The following KCNQ4 variants were observed in gnomAD, a reference collection of about 807,000 sequenced individuals.
The protein encoded by KCNQ4 is potassium voltage-gated channel subfamily Q member 4.
Under a neutral mutation model 72.6 loss-of-function variants are expected in KCNQ4, and 31 were observed. The observed-to-expected ratio is 0.43, with a 90% confidence interval of 0.32 to 0.58. The LOEUF is 0.58. KCNQ4 is among the 20% of genes least tolerant of loss of function. KCNQ4 has a pLI of 0.08. For synonymous variants in KCNQ4, 405 were observed against 403.7 expected, an observed-to-expected ratio of 1.00 and a Z score of -0.04; for missense variants, 869 against 962.6, an observed-to-expected ratio of 0.90 and a Z score of 1.29.
At position 40,788,747 on chromosome 1, in the gene KCNQ4, G is replaced by A. The variant is rs191700330; in HGVS notation, c.314+4340G>A. 5.3e-5 allele frequency among the ~76,000 whole-genome samples: 8 copies of A among 152,322 alleles called. No homozygotes were observed. The East Asian group carries it at 1.5e-3, about 29-fold the overall frequency. ...CCCAGCACCCCGCACACAGTCAGCA[G>A]GGGGTGGGCAGTGATGGCATTTTGT... On this transcript the variant is annotated intron_variant, in intron 1 of 13. Coordinates refer to ENST00000347132, the MANE Select transcript of KCNQ4 (RefSeq NM_004700.4). The surrounding 1 kb of genome is among the most constrained non-coding windows in gnomAD (Gnocchi z 4.5).
At chr1:40,834,612 A>G (rs1156717939) in intron 11 of KCNQ4, among the ~76,000 whole-genome samples, 4 of 149,148 alleles carry the variant, frequency 2.7e-5, no homozygotes, top group Non-Finnish European at 3.0e-5. Context: ...AAAAAAAAAC[A>G]GAGTTATTGA....
chr1:40,793,516 C>G (rs1445426629), intron 1 of KCNQ4, among the ~76,000 whole-genome samples: 1 of 152,130 alleles, frequency 6.6e-6, no homozygotes, highest in Non-Finnish European at 1.5e-5. Context: ...AGTTTCATCC[C>G]TGCGCTTCCT....
intron 12 of KCNQ4, among the ~76,000 whole-genome samples, chr1:40,837,266 T>A (rs1427359529): frequency 6.6e-6 from 1 of 152,110 alleles, no homozygotes; most frequent in East Asian, 1.9e-4. Context: ...TTTTAAAAAA[T>A]TATTTTTGTA....
Position 40,838,385 on chromosome 1 carries a change from C to T in KCNQ4, c.1950C>T (p.Ala650=). 1 of 1,614,064 alleles carries T rather than the reference C, an allele frequency of 6.2e-7. No homozygotes were observed. The highest frequency in any genetic ancestry group is 8.5e-7 in the Non-Finnish European group (1 of 1,179,960). The change falls in exon 14 of 14, where the codon GCC becomes GCT. Residue 650 remains alanine (A), a synonymous_variant. Transcript: ENST00000347132. ...GCTGCCTGCGCTCTGGCACCTCGGC[C>T]AGCCTGGGCGCCGTGCAAGTGCCGC... ...YSRCLRSGTS[A]SLGAVQVPLF...
chr1:40,796,089 C>T (rs573983278), intron 1 of KCNQ4, among the ~76,000 whole-genome samples: 1 of 152,192 alleles, frequency 6.6e-6, no homozygotes, highest in Admixed American at 6.5e-5. Flanking sequence ...GCTCAGACAA[C>T]TGAGTGCCTG....
chr1:40,814,886 C>T (rs5773704), intron 1 of KCNQ4, among the ~76,000 whole-genome samples: 24,742 of 99,630 alleles, frequency 0.25, 2,156 homozygotes, highest in East Asian at 0.35. Flanking sequence ...ATCTGCTTTC[C>T]TTTTTTTTTA....
chr1:40,817,044 G>A lies in KCNQ4; in HGVS notation c.315-221G>A, dbSNP rs1570827141. ...TCTGAGCTGCAGCCTGCAGCAGGGG[G>A]CAATTGAGATAGTTGTGAGGTCCAG... On this transcript the variant is annotated intron_variant, in intron 1 of 13. Transcript: ENST00000347132. This position sits in a 1 kb window ranked among gnomAD's most constrained non-coding sequence, Gnocchi z 5.5. Among the ~76,000 whole-genome samples the A allele has an allele frequency of 1.3e-5, 2 of 152,256 alleles. No individual in the cohort carries two copies. Among genetic ancestry groups the A allele is most frequent in the Non-Finnish European group, 2.9e-5 (2 of 68,040 alleles).
chr1:40,813,364 C>T (rs560068165), intron 1 of KCNQ4, among the ~76,000 whole-genome samples: 3 of 152,176 alleles, frequency 2.0e-5, no homozygotes, highest in East Asian at 3.9e-4. Flanking sequence ...CAGATGGTGG[C>T]GGCTTGGTTG....
intron 1 of KCNQ4, among the ~76,000 whole-genome samples, chr1:40,802,534 CG>C (rs1432395773): frequency 1.3e-5 from 2 of 151,926 alleles, no homozygotes; most frequent in African/African-American, 4.8e-5. Flanking sequence ...TCCCCGCCCC[CG>C]GCATGCCCCG....
chr1:40,816,763 G>A (rs1264424316), intron 1 of KCNQ4, among the ~76,000 whole-genome samples: 2 of 152,108 alleles, frequency 1.3e-5, no homozygotes, highest in Non-Finnish European at 2.9e-5. Flanking sequence ...TTAATTCCAC[G>A]AAGGCAGGGG....
intron 1 of KCNQ4, among the ~76,000 whole-genome samples, chr1:40,809,253 G>A (rs1026876662): frequency 6.6e-6 from 1 of 152,120 alleles, no homozygotes; most frequent in Non-Finnish European, 1.5e-5. Context: ...GGGCTCCATC[G>A]GGTCCTCCTC....
At chr1:40,813,729 T>C (rs1647996738) in intron 1 of KCNQ4, among the ~76,000 whole-genome samples, 1 of 152,034 alleles carries the variant, frequency 6.6e-6, no homozygotes, top group South Asian at 2.1e-4. Context: ...CAAAGTGGGC[T>C]TTTCTTGTTT....
At chr1:40,811,436 C>T (rs1647927124) in intron 1 of KCNQ4, among the ~76,000 whole-genome samples, 1 of 152,206 alleles carries the variant, frequency 6.6e-6, no homozygotes, top group South Asian at 2.1e-4. Flanking sequence ...ATAGTATCAC[C>T]AGGGACCTTT....
rs757793655 is a variant in KCNQ4, at chr1:40,818,605, C to T, written c.633C>T (p.Ile211=). ...SALRSMRFLQ[I]LRMVRMDRRG... ...TGCGCAGCATGCGCTTCCTGCAGAT[C>T]CTGCGCATGGTGCGCATGGACCGCC... The change falls in exon 4 of 14, where the codon ATC becomes ATT. Residue 211 remains isoleucine (I), a synonymous_variant. Coordinates refer to ENST00000347132, the MANE Select transcript of KCNQ4 (RefSeq NM_004700.4). 5 of 1,607,058 alleles carry T rather than the reference C, an allele frequency of 3.1e-6. No individual in the cohort carries two copies. The South Asian group carries it at 5.5e-5, about 18-fold the overall frequency.
At chr1:40,795,689 G>A (rs947642874) in intron 1 of KCNQ4, among the ~76,000 whole-genome samples, 4 of 151,996 alleles carry the variant, frequency 2.6e-5, no homozygotes, top group African/African-American at 7.3e-5. Context: ...GGGGGAGCGG[G>A]GCAGGTGGAA....
At chr1:40,822,290 C>G (rs1215388622) in intron 7 of KCNQ4, 24 bp from the exon 8 acceptor site, 1 of 1,598,442 alleles carries the variant, frequency 6.3e-7, no homozygotes, top group Admixed American at 1.7e-5. Flanking sequence ...GATGCCCCAT[C>G]CCCCACGTCC....
chr1:40,824,026 G>A (rs1457592435), intron 8 of KCNQ4, 71 bp from the exon 9 acceptor site: 10 of 1,515,754 alleles, frequency 6.6e-6, no homozygotes, highest in African/African-American at 1.4e-5. Context: ...GAGCTCAGGA[G>A]CTCTGTGCCC....
chr1:40,816,182 T>C (rs1278082791), intron 1 of KCNQ4, among the ~76,000 whole-genome samples: 1 of 152,130 alleles, frequency 6.6e-6, no homozygotes, highest in East Asian at 1.9e-4. Context: ...CTGGGAAGGC[T>C]GGCGGGTCAG....
chr1:40,816,008 G>T (rs771750897), intron 1 of KCNQ4, among the ~76,000 whole-genome samples: 5 of 151,362 alleles, frequency 3.3e-5, no homozygotes, highest in Admixed American at 6.6e-5. Context: ...AGTTCTGAAG[G>T]GGGGATAGTG....
Sources: allele counts gnomAD v4.1 joint callset (sites outside exome capture counted in the v4.1 genomes callset), GRCh38; gene constraint gnomAD v4.1.1; non-coding constraint Gnocchi (gnomAD v3.1); transcripts MANE v1.5; gene names NCBI Gene and HGNC (gene_info 2026-07-23, HGNC 2026-07-21).